The following ICE2 variants were observed in gnomAD, a reference collection of about 807,000 sequenced individuals.
ICE2 encodes little elongation complex subunit 2.
ICE2 carries 87 observed loss-of-function variants against 105.4 expected under a neutral mutation model. The ratio of observed to expected loss-of-function variants is 0.83; its 90% CI spans 0.69 to 0.99. The LOEUF is 0.99. Among genes scored for constraint, ICE2 ranks in the 50% least tolerant of loss-of-function variants. The pLI is 0.00. For missense variants in ICE2, 1,323 were observed against 1,146.7 expected, an observed-to-expected ratio of 1.15 and a Z score of -2.22; for synonymous variants, 399 against 392.0, an observed-to-expected ratio of 1.02 and a Z score of -0.21.
At chr15:60,464,640 G>A (rs2064371210) in intron 5 of ICE2, among the ~76,000 whole-genome samples, 1 of 152,136 alleles carries the variant, frequency 6.6e-6, no homozygotes, top group Non-Finnish European at 1.5e-5. Flanking sequence ...GTCCGCAGGT[G>A]GGGGAAGAAT....
intron 3 of ICE2, among the ~76,000 whole-genome samples, chr15:60,469,675 A>G (rs939982144): frequency 6.6e-6 from 1 of 152,150 alleles, no homozygotes; most frequent in East Asian, 1.9e-4. Context: ...TACTTTAAAA[A>G]TCTTTGTCCT....
At chr15:60,460,961 A>G (rs2064260452) in intron 5 of ICE2, among the ~76,000 whole-genome samples, 1 of 152,158 alleles carries the variant, frequency 6.6e-6, no homozygotes, top group Non-Finnish European at 1.5e-5. Flanking sequence ...TTCCAGTTGG[A>G]TAACTCCTTG....
At chr15:60,436,598 C>T (rs939289132) in intron 12 of ICE2, among the ~76,000 whole-genome samples, 1 of 150,680 alleles carries the variant, frequency 6.6e-6, no homozygotes, top group African/African-American at 2.4e-5. Context: ...GCCTGTAGTC[C>T]CATCTACTCG....
chr15:60,442,683 C>T (rs1262590600), intron 11 of ICE2, 138 bp from the exon 12 acceptor site: 2 of 641,042 alleles, frequency 3.1e-6, no homozygotes, highest in Non-Finnish European at 5.3e-6. Context: ...GCAGGATTCA[C>T]ACTGTAAGAT....
At chr15:60,436,293 G>C (rs1470288477) in intron 12 of ICE2, 66 bp from the exon 13 acceptor site, 5 of 559,756 alleles carry the variant, frequency 8.9e-6, no homozygotes, top group African/African-American at 2.0e-5. Flanking sequence ...AAAAAACCAA[G>C]TTATCCTGTC....
At chr15:60,424,074 C>A (rs2063286453) in intron 15 of ICE2, among the ~76,000 whole-genome samples, 1 of 151,834 alleles carries the variant, frequency 6.6e-6, no homozygotes, top group African/African-American at 2.4e-5. Flanking sequence ...GAATGACAGG[C>A]CTTATGTGTG....
At chr15:60,473,151 C>T (rs772679125) in intron 3 of ICE2, among the ~76,000 whole-genome samples, 3 of 151,970 alleles carry the variant, frequency 2.0e-5, no homozygotes, top group Non-Finnish European at 2.9e-5. Context: ...ATATGTTGCC[C>T]GGGCTGGTCT....
chr15:60,476,090 A>C lies in ICE2; in HGVS notation c.119T>G (p.Leu40Ter). The change falls in exon 3 of 16, where the codon TTA (leucine) becomes TGA (stop). Residue 40 changes from leucine to a stop codon, truncating the protein, a stop_gained. Coordinates refer to ENST00000261520, the MANE Select transcript of ICE2 (RefSeq NM_024611.6). LOFTEE classifies it high-confidence loss of function. Reference protein sequence around the residue: ...NYKDHSMAPSLKELRVLSNRR... With the variant: ...NYKDHSMAPS ...GTTGGATAAAACACGTAGTTCTTTT[A>C]AACTTGGAGCCATGGAATGATCTTT... The C allele has an allele frequency of 1.2e-6, 2 of 1,603,900 alleles. No homozygotes were observed. The highest frequency in any genetic ancestry group is 1.7e-6 in the Non-Finnish European group (2 of 1,176,108).
intron 10 of ICE2, among the ~76,000 whole-genome samples, chr15:60,448,520 T>C (rs749517721): frequency 1.4e-4 from 22 of 152,224 alleles, no homozygotes; most frequent in South Asian, 6.2e-4. Flanking sequence ...CAACACCAAG[T>C]ATAAATAAAT....
In ICE2 at chr15:60,455,026, C is replaced by T; in HGVS notation, c.920G>A (p.Cys307Tyr). The T allele has an allele frequency of 1.9e-6, 3 of 1,567,066 alleles. No homozygotes were observed. Among genetic ancestry groups the T allele is most frequent in the Non-Finnish European group, 1.7e-6 (2 of 1,165,236 alleles). ...ACCTGCAACAGGTATTACTTGAATA[C>T]ACACTGGAATTTCCCACTGTTCCTT... ...TYKEQWEIPV[C>Y]IQVIPVAGSK... Residue 307 changes from cysteine (C) to tyrosine (Y), a missense_variant, in exon 8 of 16, where the codon TGT becomes TAT. By Grantham distance (194) the Cys-to-Tyr change is radical. Coordinates refer to ENST00000261520, the MANE Select transcript of ICE2 (RefSeq NM_024611.6).
chr15:60,470,176 A>AT (rs35176279), intron 3 of ICE2, among the ~76,000 whole-genome samples: 101,019 of 151,998 alleles, frequency 0.66, 34,848 homozygotes, highest in East Asian at 0.94. Flanking sequence ...ACCATCTCCA[A>AT]CTCCAGGACA....
intron 5 of ICE2, among the ~76,000 whole-genome samples, chr15:60,463,412 A>T (rs1323763849): frequency 6.6e-6 from 1 of 152,208 alleles, no homozygotes; most frequent in Non-Finnish European, 1.5e-5. Context: ...CAACCTAAGA[A>T]TCAAAAAGCA....
In ICE2 at chr15:60,449,627, G is replaced by C. The variant is rs1369703700; in HGVS notation, c.1340C>G (p.Pro447Arg). Residue 447 changes from proline to arginine, a missense_variant, in exon 10 of 16, where the codon CCA (proline) becomes CGA (arginine). Transcript: ENST00000261520. The part of the protein sequence containing the change: ...AGTTTVAPSA[P>R]DISANSRSLS... ...ACTTCTAGAATTAGCAGAAATGTCTGGTGCACTTGGTGCCACAGTTGTAGT... is the reference window on the plus strand; with the variant it reads ...ACTTCTAGAATTAGCAGAAATGTCTCGTGCACTTGGTGCCACAGTTGTAGT... The C allele has an allele frequency of 6.2e-7, 1 of 1,614,086 alleles. No homozygotes were observed. The highest frequency in any genetic ancestry group is 8.5e-7 in the Non-Finnish European group (1 of 1,179,988).
At chr15:60,438,354 C>T (rs1398960150) in intron 12 of ICE2, 2 of 152,138 alleles carry the variant, frequency 1.3e-5, no homozygotes, top group South Asian at 2.1e-4. Flanking sequence ...TTTAATGTTT[C>T]ATTTTCTTAC....
chr15:60,424,386 G>C (rs529965491), intron 15 of ICE2, among the ~76,000 whole-genome samples: 5 of 17,426 alleles, frequency 2.9e-4, no homozygotes, highest in Admixed American at 7.5e-4. Flanking sequence ...AATAAGAAAA[G>C]GGGAAGAAAA....
At position 60,423,771 on chromosome 15, in the gene ICE2, T is replaced by TGAAG; in HGVS notation, c.2821-13_2821-10dup. 6.3e-7 allele frequency: 1 copy of TGAAG among 1,576,756 alleles called. No individual in the cohort carries two copies. Among genetic ancestry groups the TGAAG allele is most frequent in the Non-Finnish European group, 8.6e-7 (1 of 1,166,694 alleles). On this transcript the variant is annotated splice_polypyrimidine_tract_variant and intron_variant, in intron 15 of 15. Transcript: ENST00000261520. ...ATTCTCGTTCCACCAATCTAAGAGATGAAGCAGAGAACAGAATAGCTTAAT... is the reference window on the plus strand; with the variant it reads ...ATTCTCGTTCCACCAATCTAAGAGATGAAGGAAGCAGAGAACAGAATAGCTTAAT...
Position 60,448,841 on chromosome 15 carries a change from T to C in ICE2, c.2119+7A>G, listed in dbSNP as rs764072328. The C allele has an allele frequency of 6.4e-7, 1 of 1,564,446 alleles. No individual in the cohort carries two copies. The highest frequency in any genetic ancestry group is 2.1e-5 in the Admixed American group (1 of 47,614). Reference sequence around the variant, plus strand: ...ACACTGTAAGCTCTTTGTAAATATTTACTTACGTCCTTTTGGCTTCTGAAA... The same window carrying C: ...ACACTGTAAGCTCTTTGTAAATATTCACTTACGTCCTTTTGGCTTCTGAAA... On this transcript the variant is annotated splice_region_variant and intron_variant, in intron 10 of 15. Transcript: ENST00000261520.
intron 12 of ICE2, chr15:60,438,489 C>A (rs1476756271): frequency 6.6e-6 from 1 of 152,146 alleles, no homozygotes; most frequent in Non-Finnish European, 1.5e-5. Flanking sequence ...ACACTCATTA[C>A]ACAGTGGCAT....
rs763757407 is a variant in ICE2 at position 60,455,105 on chromosome 15, C to T, written c.841G>A (p.Ala281Thr). 1.9e-6 allele frequency: 3 copies of T among 1,601,858 alleles called. No individual in the cohort carries two copies. The highest frequency in any genetic ancestry group is 2.6e-6 in the Non-Finnish European group (3 of 1,176,274). ...GTAAATAATGACTGACTAGTTAGAG[C>T]TATCTGAGGGTGATATCTGGAAACA... is the stretch of plus-strand genomic sequence containing the variant. ...KLVSRYHPQI[A>T]LTSQSLFTLL... Residue 281 changes from alanine (A) to threonine (T), a missense_variant, in exon 8 of 16, where the codon GCT becomes ACT. Ala to Thr is a moderately conservative substitution (Grantham distance 58). Coordinates refer to ENST00000261520, the MANE Select transcript of ICE2 (RefSeq NM_024611.6).
Sources: allele counts gnomAD v4.1 joint callset (sites outside exome capture counted in the v4.1 genomes callset), GRCh38; gene constraint gnomAD v4.1.1; transcripts MANE v1.5; gene names NCBI Gene and HGNC (gene_info 2026-07-23, HGNC 2026-07-21).